The following GRIP1 variants were observed in gnomAD, a reference collection of about 807,000 sequenced individuals.
GRIP1 encodes glutamate receptor-interacting protein 1.
Under a neutral mutation model 129.9 loss-of-function variants are expected in GRIP1, and 45 were observed. The observed-to-expected ratio is 0.35, with a 90% CI of 0.27 to 0.44. The LOEUF is 0.44. Among genes scored for constraint, GRIP1 ranks in the 20% least tolerant of loss-of-function variants. The probability of loss-of-function intolerance (pLI) is 1.00; values close to 1 mark genes in which losing one functional copy is unlikely to be tolerated. For missense variants in GRIP1, 1,196 were observed against 1,396.8 expected (o/e 0.86, Z 2.29); for synonymous variants, 530 against 520.8 (o/e 1.02, Z -0.24).
chr12:66,695,148 C>T (rs180808931), intron 1 of GRIP1, among the ~76,000 whole-genome samples: 2 of 152,304 alleles, frequency 1.3e-5, no homozygotes, highest in African/African-American at 4.8e-5. Context: ...GTTCCTAGAA[C>T]AGGCTCTACC....
intron 1 of GRIP1, among the ~76,000 whole-genome samples, chr12:66,991,123 A>G (rs1715578923): frequency 6.6e-6 from 1 of 151,822 alleles, no homozygotes; most frequent in Non-Finnish European, 1.5e-5. Context: ...ATACAAAAAA[A>G]TTAGCCAGGC....
chr12:66,544,002 A>G (rs2061868686), intron 2 of GRIP1, among the ~76,000 whole-genome samples: 1 of 152,192 alleles, frequency 6.6e-6, no homozygotes, highest in Admixed American at 6.5e-5. Flanking sequence ...TTCCTGCATA[A>G]AATAGGATGC....
chr12:66,910,378 G>C (rs2041008810), intron 1 of GRIP1, among the ~76,000 whole-genome samples: 1 of 152,144 alleles, frequency 6.6e-6, no homozygotes, highest in Non-Finnish European at 1.5e-5. Context: ...TCCACCTTTG[G>C]GGAGTGACCA....
At chr12:67,066,189 G>A (rs1323555622) in intron 1 of GRIP1, among the ~76,000 whole-genome samples, 1 of 152,108 alleles carries the variant, frequency 6.6e-6, no homozygotes, top group African/African-American at 2.4e-5. Context: ...AGATGAACCC[G>A]AGTAATGAAT....
In GRIP1 at chr12:67,068,967, G is replaced by A. The variant is rs989778948; in HGVS notation, c.58+83C>T. The A allele has an allele frequency of 4.2e-5, 26 of 613,376 alleles. No homozygotes were observed. The African/African-American group carries it at 5.0e-4, about 12-fold the overall frequency. The allele number at this position is 613,376 out of a possible 1,614,324, so 38.0% of individuals were successfully genotyped here. Reference sequence around the variant, plus strand: ...CCCCCGTCGGCGGGTGGACGGGTCGGGAGGGAGCCGGGGAGAGGGAGGCAC... The same window carrying A: ...CCCCCGTCGGCGGGTGGACGGGTCGAGAGGGAGCCGGGGAGAGGGAGGCAC... On this transcript the variant is annotated intron_variant, in intron 1 of 1. Coordinates refer to the GRIP1 transcript ENST00000643019.
At chr12:66,535,836 C>T (rs551396736) in intron 4 of GRIP1, among the ~76,000 whole-genome samples, 1 of 152,200 alleles carries the variant, frequency 6.6e-6, no homozygotes, top group African/African-American at 2.4e-5. Flanking sequence ...ATCTATATTC[C>T]CATTACTCTC....
intron 1 of GRIP1, among the ~76,000 whole-genome samples, chr12:66,972,296 A>G (rs11176508): frequency 0.19 from 28,174 of 152,188 alleles, 2,764 homozygotes; most frequent in East Asian, 0.4. Context: ...AAAGCTTACT[A>G]TTCTTTGAGG....
intron 1 of GRIP1, among the ~76,000 whole-genome samples, chr12:66,673,039 G>A (rs1302866826): frequency 6.6e-6 from 1 of 152,092 alleles, no homozygotes; most frequent in Non-Finnish European, 1.5e-5. Flanking sequence ...TTAGTGTGGT[G>A]TTGTCTTGAT....
intron 1 of GRIP1, among the ~76,000 whole-genome samples, chr12:66,943,466 G>A (rs1259649614): frequency 1.3e-5 from 2 of 152,172 alleles, no homozygotes; most frequent in African/African-American, 4.8e-5. Flanking sequence ...CTATTTAAAT[G>A]GATATAGGCA....
intron 1 of GRIP1, among the ~76,000 whole-genome samples, chr12:66,757,148 C>A (rs747264799): frequency 6.6e-6 from 1 of 152,062 alleles, no homozygotes; most frequent in African/African-American, 2.4e-5. Flanking sequence ...TTATTGTTGA[C>A]GGTTGTCACC....
chr12:66,469,517 G>C (rs938858020), intron 7 of GRIP1, among the ~76,000 whole-genome samples: 9 of 152,142 alleles, frequency 5.9e-5, no homozygotes, highest in Non-Finnish European at 1.3e-4. Flanking sequence ...AGTTTGGAGG[G>C]ATGGCTTCCA....
At chr12:66,971,889 G>A (rs534878446) in intron 1 of GRIP1, among the ~76,000 whole-genome samples, 69 of 152,282 alleles carry the variant, frequency 4.5e-4, no homozygotes, top group African/African-American at 1.5e-3. Flanking sequence ...TCAGAATAAC[G>A]TATTTCAATA....
chr12:66,966,818 G>C (rs1250381095), intron 1 of GRIP1, among the ~76,000 whole-genome samples: 1 of 152,134 alleles, frequency 6.6e-6, no homozygotes, highest in Non-Finnish European at 1.5e-5. Flanking sequence ...CTGATGTCTT[G>C]ATCATCTGGC....
At chr12:66,798,936 A>G (rs1592856547) in intron 1 of GRIP1, among the ~76,000 whole-genome samples, 1 of 152,178 alleles carries the variant, frequency 6.6e-6, no homozygotes, top group Non-Finnish European at 1.5e-5. Flanking sequence ...ATTTATATGT[A>G]GATGATCCTG....
At chr12:66,643,717 C>T (rs2032127221) in intron 1 of GRIP1, among the ~76,000 whole-genome samples, 1 of 152,094 alleles carries the variant, frequency 6.6e-6, no homozygotes. Flanking sequence ...GTGTGCACCA[C>T]CATGCCCAGC....
intron 24 of GRIP1, among the ~76,000 whole-genome samples, chr12:66,352,578 C>G (rs2054283465): frequency 6.6e-6 from 1 of 151,970 alleles, no homozygotes; most frequent in African/African-American, 2.4e-5. Context: ...ACTAAAAATA[C>G]AAAAATTAGC....
chr12:66,585,099 TTC>T (rs977897901), intron 2 of GRIP1, among the ~76,000 whole-genome samples: 116 of 147,700 alleles, frequency 7.9e-4, no homozygotes, highest in African/African-American at 3.0e-3. Context: ...CTTCTTTTTT[TTC>T]CTTCTTTTTT....
intron 19 of GRIP1, among the ~76,000 whole-genome samples, chr12:66,384,357 T>A (rs2056260699): frequency 6.6e-6 from 1 of 152,164 alleles, no homozygotes; most frequent in Non-Finnish European, 1.5e-5. Context: ...TTGAAACCGA[T>A]TAAGAGGTTA....
intron 24 of GRIP1, among the ~76,000 whole-genome samples, chr12:66,351,563 T>G (rs944567034): frequency 1.3e-5 from 2 of 149,768 alleles, no homozygotes; most frequent in African/African-American, 2.5e-5. Flanking sequence ...GTGGTTTTTT[T>G]TTTTTTTTTT....
Sources: gnomAD v4.1 joint callset for allele counts (sites outside exome capture counted in the v4.1 genomes callset) on GRCh38, gnomAD v4.1.1 for gene constraint, MANE v1.5 for transcripts, NCBI Gene and HGNC (gene_info 2026-07-23, HGNC 2026-07-21) for gene names.